The following EPYC variants were observed in gnomAD, a reference collection of about 807,000 sequenced individuals.
EPYC encodes epiphycan.
In EPYC, 28 loss-of-function variants were observed where a neutral mutation model predicts 30.1. That is an observed-to-expected ratio of 0.93 (90% confidence interval 0.69 to 1.28). The LOEUF is 1.28. EPYC is among the 50% of genes most tolerant of loss of function. EPYC has a pLI of 0.00. For missense variants in EPYC, 382 were observed against 383.5 expected (o/e 1.00, Z 0.03); for synonymous variants, 144 against 141.4 (o/e 1.02, Z -0.13).
chr12:90,991,184 C>T (rs1194451493), intron 2 of EPYC, among the ~76,000 whole-genome samples: 1 of 151,944 alleles, frequency 6.6e-6, no homozygotes, highest in East Asian at 1.9e-4. Context: ...CTTTAAAGCC[C>T]ACATTGAATA....
At chr12:90,994,154 G>GCT in intron 2 of EPYC, among the ~76,000 whole-genome samples, 1 of 152,172 alleles carries the variant, frequency 6.6e-6, no homozygotes, top group Middle Eastern at 3.4e-3. Flanking sequence ...CAAATTCTTG[G>GCT]CTCTCAGCAA....
chr12:90,972,896 G>C lies in EPYC; in HGVS notation c.425C>G (p.Pro142Arg), dbSNP rs187299979. Residue 142 changes from proline to arginine, a missense_variant, in exon 4 of 7, where the codon CCA (proline) becomes CGA (arginine). Coordinates refer to ENST00000261172, the MANE Select transcript of EPYC (RefSeq NM_004950.5). ...DHELDAIPPL[P>R]KNTAYFYSRF... ...GGAATAGAAATAAGCGGTGTTCTTT[G>C]GCAGCGGAGGAATAGCATCAAGTTC... 1 of 1,613,098 alleles carries C rather than the reference G, an allele frequency of 6.2e-7. No homozygotes were observed. Among genetic ancestry groups the C allele is most frequent in the Non-Finnish European group, 8.5e-7 (1 of 1,179,274 alleles).
intron 2 of EPYC, among the ~76,000 whole-genome samples, chr12:90,995,905 A>G (rs1180915335): frequency 1.3e-5 from 2 of 151,938 alleles, no homozygotes; most frequent in East Asian, 3.9e-4. Flanking sequence ...GATCATCTTT[A>G]GTAAAGAGAG....
chr12:91,001,087 A>C (rs1293270138), intron 2 of EPYC, among the ~76,000 whole-genome samples: 1 of 152,086 alleles, frequency 6.6e-6, no homozygotes, highest in African/African-American at 2.4e-5. Flanking sequence ...TACTAAAGAG[A>C]GGAAAAATGG....
rs74928882 is a variant in EPYC at position 90,997,291 on chromosome 12, C to T, written c.165+5110G>A. On this transcript the variant is annotated intron_variant, in intron 2 of 6. Coordinates refer to ENST00000261172, the MANE Select transcript of EPYC (RefSeq NM_004950.5). The stretch of plus-strand genomic sequence containing the variant: ...AAGTAAAAGTAATTATATAAGGCTA[C>T]GTTAATTAATGTAGTAGAGGTGAGG... 4.9e-3 allele frequency among the ~76,000 whole-genome samples: 751 copies of T among 151,940 alleles called. 2 individuals carry two copies. The highest frequency in any genetic ancestry group is 7.6e-3 in the Non-Finnish European group (513 of 67,914).
At chr12:90,995,501 C>A (rs1010204115) in intron 2 of EPYC, among the ~76,000 whole-genome samples, 4 of 151,904 alleles carry the variant, frequency 2.6e-5, no homozygotes. Context: ...AGTCTCTCTC[C>A]TTTAGCATTA....
intron 2 of EPYC, among the ~76,000 whole-genome samples, chr12:90,980,004 C>T (rs1032517067): frequency 6.6e-6 from 1 of 152,096 alleles, no homozygotes; most frequent in Non-Finnish European, 1.5e-5. Context: ...GACCAGAAAG[C>T]TCCAGCTGAG....
At chr12:90,976,901 A>G (rs1877197842) in intron 3 of EPYC, among the ~76,000 whole-genome samples, 1 of 152,070 alleles carries the variant, frequency 6.6e-6, no homozygotes, top group Non-Finnish European at 1.5e-5. Context: ...TCCTGCTGCC[A>G]TGTAAGATAC....
At chr12:91,004,163 TA>T (rs1217576261) in intron 1 of EPYC, among the ~76,000 whole-genome samples, 1 of 152,008 alleles carries the variant, frequency 6.6e-6, no homozygotes, top group African/African-American at 2.4e-5. Flanking sequence ...ACTACCAACT[TA>T]AAAAAAATTT....
In EPYC at chr12:90,978,081, A is replaced by G; in HGVS notation, c.340+7T>C. The G allele has an allele frequency of 6.4e-7, 1 of 1,556,690 alleles. No individual in the cohort carries two copies. The highest frequency in any genetic ancestry group is 1.2e-5 in the South Asian group (1 of 82,342). On this transcript the variant is annotated splice_region_variant and intron_variant, in intron 3 of 6. Transcript: ENST00000261172. ...CTCAATTGTAATTCTGCTTTGAGGTACCTGACCTTCATTTGTGTGTGGCCC... is the reference window on the plus strand; with the variant it reads ...CTCAATTGTAATTCTGCTTTGAGGTGCCTGACCTTCATTTGTGTGTGGCCC...
At chr12:90,964,692 G>GA (rs201908071) in intron 6 of EPYC, among the ~76,000 whole-genome samples, 1 of 151,652 alleles carries the variant, frequency 6.6e-6, no homozygotes, top group Admixed American at 6.6e-5. Flanking sequence ...AAAAGGCATG[G>GA]AAAAAAAACA....
intron 3 of EPYC, among the ~76,000 whole-genome samples, chr12:90,974,310 G>T (rs1286046760): frequency 1.3e-5 from 2 of 152,096 alleles, no homozygotes; most frequent in African/African-American, 4.8e-5. Context: ...AGTTATTGCA[G>T]TGGTTATCAG....
At chr12:90,966,501 G>A (rs937787033) in intron 6 of EPYC, among the ~76,000 whole-genome samples, 2 of 151,948 alleles carry the variant, frequency 1.3e-5, no homozygotes, top group Non-Finnish European at 2.9e-5. Flanking sequence ...GTCGTGATGT[G>A]TAATCTTTTC....
chr12:90,964,132 C>G lies in EPYC; in HGVS notation c.*24G>C, dbSNP rs768251066. On this transcript the variant is annotated 3_prime_UTR_variant, in exon 7 of 7. Coordinates refer to ENST00000261172, the MANE Select transcript of EPYC (RefSeq NM_004950.5). ...AGAATGGTTTATTTATAGTAGCCAT[C>G]GTAATGCTAACCATTATCTGAAATT... The G allele has an allele frequency of 1.3e-6, 2 of 1,595,560 alleles. No individual in the cohort carries two copies. Among genetic ancestry groups the G allele is most frequent in the Admixed American group, 1.7e-5 (1 of 59,342 alleles).
At chr12:90,981,739 C>T (rs1877330158) in intron 2 of EPYC, among the ~76,000 whole-genome samples, 1 of 152,038 alleles carries the variant, frequency 6.6e-6, no homozygotes, top group Non-Finnish European at 1.5e-5. Flanking sequence ...TCCACTGAGT[C>T]CTTTTAGTAC....
chr12:90,994,853 G>T (rs1877662247), intron 2 of EPYC, among the ~76,000 whole-genome samples: 1 of 152,048 alleles, frequency 6.6e-6, no homozygotes, highest in South Asian at 2.1e-4. Context: ...ACAGAATTAA[G>T]GTTTTCATTA....
In EPYC at chr12:90,964,080, T is replaced by A; in HGVS notation, c.*76A>T. On this transcript the variant is annotated 3_prime_UTR_variant, in exon 7 of 7. Transcript: ENST00000261172. Reference sequence around the variant, plus strand: ...AGAACACAATCTCAAAGTATCATGCTGAGTTTTGTTTTGGAAGAGAGCAGT... The same window carrying A: ...AGAACACAATCTCAAAGTATCATGCAGAGTTTTGTTTTGGAAGAGAGCAGT... The A allele has an allele frequency of 8.3e-7, 1 of 1,207,140 alleles. No homozygotes were observed. The highest frequency in any genetic ancestry group is 1.2e-6 in the Non-Finnish European group (1 of 849,850). 74.8% of individuals were successfully genotyped at this position (1,207,140 alleles called of 1,614,324 possible).
intron 2 of EPYC, among the ~76,000 whole-genome samples, chr12:90,980,798 C>A (rs1877307417): frequency 6.6e-6 from 1 of 152,128 alleles, no homozygotes; most frequent in Admixed American, 6.6e-5. Context: ...ATGCTCTATT[C>A]TTTTTTATTT....
intron 3 of EPYC, among the ~76,000 whole-genome samples, chr12:90,974,160 C>A (rs1847409687): frequency 6.6e-6 from 1 of 151,398 alleles, no homozygotes; most frequent in African/African-American, 2.4e-5. Context: ...AATTAATGAT[C>A]AGAGGAAAGG....
Sources: gnomAD v4.1 joint callset for allele counts (sites outside exome capture counted in the v4.1 genomes callset) on GRCh38, gnomAD v4.1.1 for gene constraint, MANE v1.5 for transcripts, NCBI Gene and HGNC (gene_info 2026-07-23, HGNC 2026-07-21) for gene names.